ATP11A: variants seen among roughly 807,000 people sequenced by gnomAD.
ATP11A encodes phospholipid-transporting ATPase IH.
ATP11A carries 81 observed loss-of-function variants against 154.4 expected under a neutral mutation model. That is an observed-to-expected ratio of 0.52 (90% confidence interval 0.44 to 0.63). The LOEUF (loss-of-function observed/expected upper bound fraction) is 0.63. Among genes scored for constraint, ATP11A ranks in the 30% least tolerant of loss-of-function variants. The pLI is 0.00. For missense variants in ATP11A, 1,316 were observed against 1,474.3 expected (o/e 0.89, Z 1.76); for synonymous variants, 623 against 585.9 (o/e 1.06, Z -0.91).
At chr13:112,791,768 G>A (rs1407536425) in intron 2 of ATP11A, among the ~76,000 whole-genome samples, 1 of 152,164 alleles carries the variant, frequency 6.6e-6, no homozygotes, top group East Asian at 1.9e-4. Flanking sequence ...GCTGCTCCCT[G>A]TGGAACTGGA....
At chr13:112,825,742 A>G (rs909311865) in intron 11 of ATP11A, among the ~76,000 whole-genome samples, 162 bp downstream of exon 11, 17 of 152,250 alleles carry the variant, frequency 1.1e-4, no homozygotes, top group African/African-American at 4.1e-4. Flanking sequence ...TTAAAGTCTC[A>G]GTGGACACCA....
chr13:112,862,394 G>T (rs749281901), intron 24 of ATP11A, 46 bp from the exon 25 acceptor site: 3 of 1,608,506 alleles, frequency 1.9e-6, no homozygotes, highest in Admixed American at 1.7e-5. Flanking sequence ...GAGGTGCCGG[G>T]CCCTGATTCT....
At chr13:112,842,245 G>A (rs184181662) in intron 16 of ATP11A, 31 bp from the exon 17 acceptor site, 1 of 1,517,634 alleles carries the variant, frequency 6.6e-7, no homozygotes, top group East Asian at 2.3e-5. Context: ...CCCATATTGT[G>A]ATTAAACTCC....
chr13:112,877,619 C>T (rs370454405), intron 28 of ATP11A, among the ~76,000 whole-genome samples: 7 of 152,192 alleles, frequency 4.6e-5, no homozygotes, highest in African/African-American at 9.6e-5. Context: ...GGGGTTTGCA[C>T]GAGTCTCAGC....
chr13:112,753,025 T>C lies in ATP11A; in HGVS notation c.40-32110T>C, dbSNP rs1244992302. ...CAGGTCATCTTTTCATCTTTCACTC[T>C]AAGTCTTGGGGCAGGAGGTAGAAGT... On this transcript the variant is annotated intron_variant, in intron 1 of 29. Transcript: ENST00000375645. This position sits in a 1 kb window ranked among gnomAD's most constrained non-coding sequence, Gnocchi z 4.1. Among the ~76,000 whole-genome samples the C allele has an allele frequency of 2.6e-5, 4 of 152,204 alleles. No homozygotes were observed. Among genetic ancestry groups the C allele is most frequent in the Non-Finnish European group, 5.9e-5 (4 of 68,028 alleles).
chr13:112,729,402 C>G (rs892996757), intron 1 of ATP11A, among the ~76,000 whole-genome samples: 1 of 151,184 alleles, frequency 6.6e-6, no homozygotes, highest in South Asian at 2.1e-4. Context: ...GTATCTAACG[C>G]GTCCGAGTGC....
In ATP11A at chr13:112,754,853, C is replaced by T. The variant is rs115924322; in HGVS notation, c.40-30282C>T. On this transcript the variant is annotated intron_variant, in intron 1 of 29. Transcript: ENST00000375645. This position sits in a 1 kb window ranked among gnomAD's most constrained non-coding sequence, Gnocchi z 5.3. The stretch of plus-strand genomic sequence containing the variant: ...AATCGACCACCTGTCCATGGAGCTC[C>T]GGGAATGCTGGCCCGGCCCCACTGC... Among the ~76,000 whole-genome samples the T allele has an allele frequency of 0.014, 2,061 of 152,324 alleles. 49 individuals are homozygous for T. Among genetic ancestry groups the T allele is most frequent in the African/African-American group, 0.047 (1,966 of 41,566 alleles).
chr13:112,871,626 A>C (rs956611212), intron 25 of ATP11A, 109 bp from the exon 26 acceptor site: 36 of 1,012,754 alleles, frequency 3.6e-5, no homozygotes, highest in Non-Finnish European at 5.1e-5. Context: ...TTGGGGTTTG[A>C]AGTGTTGGCA....
chr13:112,839,882 T>C (rs1326982503), intron 16 of ATP11A, among the ~76,000 whole-genome samples: 2 of 152,226 alleles, frequency 1.3e-5, no homozygotes, highest in South Asian at 2.1e-4. Context: ...TGCATCATTA[T>C]GTCATTTGGA....
chr13:112,805,686 AAAAG>A (rs1285548631), intron 3 of ATP11A, among the ~76,000 whole-genome samples: 8 of 151,792 alleles, frequency 5.3e-5, no homozygotes, highest in African/African-American at 1.7e-4. Context: ...AAAAAAAAAA[AAAAG>A]AGAAAGAAAA....
At chr13:112,780,121 A>G (rs1324964564) in intron 1 of ATP11A, among the ~76,000 whole-genome samples, 4 of 136,456 alleles carry the variant, frequency 2.9e-5, no homozygotes, top group Non-Finnish European at 5.9e-5. Flanking sequence ...CAAACCATGC[A>G]TGCCTTTCAT....
chr13:112,885,018 C>T lies in ATP11A; in HGVS notation c.*3152C>T, dbSNP rs984405122. Reference sequence around the variant, plus strand: ...TGTACATGTACCCACCACAAACGTGCAAGCTCCTGCACACATGCATGCACA... The same window carrying T: ...TGTACATGTACCCACCACAAACGTGTAAGCTCCTGCACACATGCATGCACA... On this transcript the variant is annotated 3_prime_UTR_variant, in exon 30 of 30. Transcript: ENST00000375645. The T allele has an allele frequency of 6.6e-6, 1 of 152,376 alleles. No homozygotes were observed. The highest frequency in any genetic ancestry group is 1.5e-5 in the Non-Finnish European group (1 of 68,116). The allele number at this position is 152,376 out of a possible 1,614,324, so 9.4% of individuals were successfully genotyped here.
intron 25 of ATP11A, among the ~76,000 whole-genome samples, chr13:112,869,132 A>G (rs1305952565): frequency 6.6e-6 from 1 of 152,214 alleles, no homozygotes; most frequent in African/African-American, 2.4e-5. Flanking sequence ...TGGGGGCCCC[A>G]CTTCAGGCCA....
intron 1 of ATP11A, chr13:112,703,265 G>A (rs1886784054): frequency 6.6e-6 from 1 of 152,232 alleles, no homozygotes; most frequent in Non-Finnish European, 1.5e-5. Context: ...GGCGGGGAGA[G>A]AACTCTCTCT....
At chr13:112,691,484 GTGTGTGTGT>G (rs1173896592) in intron 1 of ATP11A, among the ~76,000 whole-genome samples, 655 of 34,838 alleles carry the variant, frequency 0.019, 5 homozygotes, top group African/African-American at 0.063. Flanking sequence ...AAAAAAAAGG[GTGTGTGTGT>G]GTGTGTGTGT....
intron 10 of ATP11A, 121 bp from the exon 11 acceptor site, chr13:112,825,309 A>T: frequency 8.6e-7 from 1 of 1,162,748 alleles, no homozygotes; most frequent in East Asian, 2.5e-5. Context: ...TTGAGGGCGA[A>T]CACATCACTG....
rs1161773050 is a variant in ATP11A, at chr13:112,801,064, A to T, written c.163-3893A>T. ...TAATGGTGAAAAACGAGATGGTTTC[A>T]CCCTAAGATTGGAAAAAAGGCAAGA... is the stretch of plus-strand genomic sequence containing the variant. On this transcript the variant is annotated intron_variant, in intron 2 of 29. Transcript: ENST00000375645. 2.6e-5 allele frequency among the ~76,000 whole-genome samples: 4 copies of T among 152,026 alleles called. No homozygotes were observed. In the East Asian group the frequency reaches 7.7e-4, roughly 29 times the overall value.
intron 16 of ATP11A, among the ~76,000 whole-genome samples, chr13:112,839,896 C>T (rs1331935124): frequency 6.6e-6 from 1 of 152,300 alleles, no homozygotes; most frequent in South Asian, 2.1e-4. Flanking sequence ...ATTTGGACCA[C>T]AGTTCTCATT....
intron 8 of ATP11A, among the ~76,000 whole-genome samples, chr13:112,821,259 T>C (rs567189799): frequency 6.6e-6 from 1 of 152,346 alleles, no homozygotes; most frequent in African/African-American, 2.4e-5. Context: ...GGGACGATAA[T>C]TGCTAATGTA....
Sources: gnomAD v4.1 joint callset for allele counts (sites outside exome capture counted in the v4.1 genomes callset) on GRCh38, gnomAD v4.1.1 for gene constraint, Gnocchi (gnomAD v3.1) non-coding constraint, MANE v1.5 for transcripts, NCBI Gene and HGNC (gene_info 2026-07-23, HGNC 2026-07-21) for gene names.